The following LSM4 variants were observed in gnomAD, a reference collection of about 807,000 sequenced individuals.
The protein encoded by LSM4 is LSM4 homolog, U6 small nuclear RNA and mRNA degradation associated.
In LSM4, 15 loss-of-function variants were observed where a neutral mutation model predicts 22.3. The ratio of observed to expected loss-of-function variants is 0.67; its 90% CI spans 0.45 to 1.03. The LOEUF (loss-of-function observed/expected upper bound fraction) is 1.03, where lower values mean the gene tolerates loss of function less well. Ranked by LOEUF, LSM4 falls within the 50% of genes least tolerant of loss-of-function variation. LSM4 has a pLI of 0.00. For missense variants in LSM4, 127 were observed against 198.0 expected, an observed-to-expected ratio of 0.64 and a Z score of 2.15; for synonymous variants, 90 against 79.8, an observed-to-expected ratio of 1.13 and a Z score of -0.68.
At chr19:18,310,667 C>A (rs1175427285) in intron 3 of LSM4, among the ~76,000 whole-genome samples, 1 of 152,160 alleles carries the variant, frequency 6.6e-6, no homozygotes, top group Non-Finnish European at 1.5e-5. Flanking sequence ...CCTGGACAGA[C>A]CCACGCACGA....
rs1030307098 is a variant in LSM4, at chr19:18,310,003, C to G, written c.145-142G>C. The G allele has an allele frequency of 5.3e-6, 4 of 757,904 alleles. No homozygotes were observed. The East Asian group carries it at 8.4e-5, about 16-fold the overall frequency. The allele number at this position is 757,904 out of a possible 1,614,324, so 46.9% of individuals were successfully genotyped here. On this transcript the variant is annotated intron_variant, in intron 3 of 4. Coordinates refer to ENST00000593829, the MANE Select transcript of LSM4 (RefSeq NM_012321.5). ...TGCACAGTATCAGTCCCGGGACATA[C>G]GTGGCAAAGGGTCCACCCTGCAGGC...
At chr19:18,308,538 C>G (rs918259439) in intron 4 of LSM4, among the ~76,000 whole-genome samples, 4 of 152,242 alleles carry the variant, frequency 2.6e-5, no homozygotes, top group Non-Finnish European at 5.9e-5. Context: ...TGCCAGGGGC[C>G]AGAGGCCAGC....
intron 2 of LSM4, among the ~76,000 whole-genome samples, chr19:18,313,251 A>G (rs1406936736): frequency 3.9e-5 from 6 of 152,186 alleles, no homozygotes; most frequent in Non-Finnish European, 8.8e-5. Flanking sequence ...TCTTAAAAAA[A>G]CAAAAAACTA....
In LSM4 at chr19:18,309,751, G is replaced by C. The variant is rs764771715; in HGVS notation, c.255C>G (p.Ala85=). ...IIDMVKEEVV[A]KGRGRGGLQQ... ...GCAGGCCTCCGCGGCCGCGGCCCTT[G>C]GCCACCACCTCCTCCTTGACCATGT... Residue 85 remains alanine (A), a synonymous_variant, in exon 4 of 5, where the codon GCC becomes GCG. Transcript: ENST00000593829. The C allele has an allele frequency of 1.9e-6, 3 of 1,613,638 alleles. No individual in the cohort carries two copies. Among genetic ancestry groups the C allele is most frequent in the Non-Finnish European group, 2.5e-6 (3 of 1,179,826 alleles).
At chr19:18,308,568 A>G (rs1970259205) in intron 4 of LSM4, among the ~76,000 whole-genome samples, 1 of 152,178 alleles carries the variant, frequency 6.6e-6, no homozygotes, top group Non-Finnish European at 1.5e-5. Flanking sequence ...AGCATAGCTC[A>G]GGCCCTCCAC....
intron 1 of LSM4, among the ~76,000 whole-genome samples, chr19:18,320,056 G>A (rs753676429): frequency 6.6e-6 from 1 of 152,222 alleles, no homozygotes; most frequent in Non-Finnish European, 1.5e-5. Flanking sequence ...GTGGCTGCGG[G>A]ACAGGGAGCT....
intron 1 of LSM4, chr19:18,316,349 T>A (rs1970356845): frequency 3.8e-6 from 1 of 264,728 alleles, no homozygotes; most frequent in Non-Finnish European, 7.3e-6. Context: ...TTTTTTTTTT[T>A]TTTTTTTTTT....
intron 3 of LSM4, among the ~76,000 whole-genome samples, chr19:18,311,422 C>T (rs1970296287): frequency 6.6e-6 from 1 of 152,192 alleles, no homozygotes; most frequent in Non-Finnish European, 1.5e-5. Flanking sequence ...CAGGGAAAGC[C>T]ATCCGTCCAC....
chr19:18,308,270 C>G (rs935921162), intron 4 of LSM4, among the ~76,000 whole-genome samples: 13 of 152,142 alleles, frequency 8.5e-5, no homozygotes, highest in Non-Finnish European at 1.9e-4. Context: ...CCCACACCCT[C>G]TGTGTGCCTG....
intron 1 of LSM4, among the ~76,000 whole-genome samples, chr19:18,317,296 A>G (rs1175593833): frequency 6.7e-6 from 1 of 150,246 alleles, no homozygotes; most frequent in Non-Finnish European, 1.5e-5. Context: ...GGCTGGGGTA[A>G]CAGCATTGAG....
chr19:18,323,053 TCCGCCG>T lies in LSM4; in HGVS notation c.-39_-34del. 1 of 1,523,324 alleles carries T rather than the reference TCCGCCG, an allele frequency of 6.6e-7. No homozygotes were observed. The allele number at this position is 1,523,324 out of a possible 1,614,324, so 94.4% of individuals were successfully genotyped here. ...GCGGGGACCGGGCTCGCCGGCCACT[TCCGCCG>T]CCGCCGCTGCACACGCTCCCGGCGG... On this transcript the variant is annotated 5_prime_UTR_variant, in exon 1 of 5. Transcript: ENST00000593829.
chr19:18,312,542 G>T, intron 3 of LSM4, 62 bp downstream of exon 3: 1 of 1,382,716 alleles, frequency 7.2e-7, no homozygotes, highest in South Asian at 1.2e-5. Flanking sequence ...CCCAGGGAGG[G>T]AGGGAGGAGG....
At chr19:18,315,051 AT>A (rs1432824296) in intron 2 of LSM4, among the ~76,000 whole-genome samples, 2 of 151,852 alleles carry the variant, frequency 1.3e-5, no homozygotes, top group Non-Finnish European at 2.9e-5. Context: ...CGCCCGGCTA[AT>A]TTTTTTGTAT....
In LSM4 at chr19:18,309,706, T is replaced by TTTCTGCTGC; in HGVS notation, c.291_299dup (p.Gln98_Lys100dup). On this transcript the variant is annotated inframe_insertion, in exon 4 of 5. Coordinates refer to ENST00000593829, the MANE Select transcript of LSM4 (RefSeq NM_012321.5). ...GGCCAGCGCCGCCCATGCCGCGGCCTTTCTGCTGCTTCTGCTGCTGCAGGC... is the reference window on the plus strand; with the variant it reads ...GGCCAGCGCCGCCCATGCCGCGGCCTTTCTGCTGCTTCTGCTGCTTCTGCTGCTGCAGGC... The TTTCTGCTGC allele has an allele frequency of 1.2e-6, 2 of 1,610,374 alleles. No homozygotes were observed. The highest frequency in any genetic ancestry group is 1.7e-6 in the Non-Finnish European group (2 of 1,178,736).
Position 18,306,770 on chromosome 19 carries a change from A to G in LSM4, c.*694T>C, listed in dbSNP as rs1429948068. On this transcript the variant is annotated 3_prime_UTR_variant, in exon 5 of 5. Coordinates refer to ENST00000593829, the MANE Select transcript of LSM4 (RefSeq NM_012321.5). ...TTTTGTAAAAGGACATCAGTGCCTC[A>G]CTGTGCCGCTGACACCTGGTGAGAA... 6.6e-6 allele frequency: 1 copy of G among 152,262 alleles called. No homozygotes were observed. Among genetic ancestry groups the G allele is most frequent in the Non-Finnish European group, 1.5e-5 (1 of 68,060 alleles). 9.4% of individuals were successfully genotyped at this position (152,262 alleles called of 1,614,324 possible).
At chr19:18,319,313 C>T (rs1421865311) in intron 1 of LSM4, among the ~76,000 whole-genome samples, 2 of 151,924 alleles carry the variant, frequency 1.3e-5, no homozygotes, top group Non-Finnish European at 2.9e-5. Flanking sequence ...CCTGTAATCC[C>T]AGCACTTTGG....
intron 1 of LSM4, among the ~76,000 whole-genome samples, chr19:18,317,797 C>T (rs113169435): frequency 0.012 from 1,787 of 152,142 alleles, 12 homozygotes; most frequent in Non-Finnish European, 0.019. Context: ...TCCCAAGTAG[C>T]TGGAATTATA....
rs1438846625 is a variant in LSM4, at chr19:18,306,307, A to C, written c.*1157T>G. The C allele has an allele frequency of 6.6e-6, 1 of 152,204 alleles. No individual in the cohort carries two copies. The highest frequency in any genetic ancestry group is 1.5e-5 in the Non-Finnish European group (1 of 68,032). 9.4% of individuals were successfully genotyped at this position (152,204 alleles called of 1,614,324 possible). ...TCTCCGAACGAGGACCCTGAAGAGAAGGCTATGCAGGGGGACGGGCCGCTG... is the reference window on the plus strand; with the variant it reads ...TCTCCGAACGAGGACCCTGAAGAGACGGCTATGCAGGGGGACGGGCCGCTG... On this transcript the variant is annotated 3_prime_UTR_variant, in exon 5 of 5. Coordinates refer to ENST00000593829, the MANE Select transcript of LSM4 (RefSeq NM_012321.5).
intron 2 of LSM4, among the ~76,000 whole-genome samples, chr19:18,313,515 A>C (rs533295099): frequency 4.5e-4 from 68 of 152,240 alleles, no homozygotes; most frequent in African/African-American, 1.6e-3. Context: ...GAAAAGACTG[A>C]TATTTTTTGG....
Sources: gnomAD v4.1 joint callset for allele counts (sites outside exome capture counted in the v4.1 genomes callset) on GRCh38, gnomAD v4.1.1 for gene constraint, MANE v1.5 for transcripts, NCBI Gene and HGNC (gene_info 2026-07-23, HGNC 2026-07-21) for gene names.